The following RAB12 variants were observed in gnomAD, a reference collection of about 807,000 sequenced individuals.
RAB12 encodes RAB12, member RAS oncogene family.
RAB12 carries 11 observed loss-of-function variants against 28.4 expected under a neutral mutation model. That is an observed-to-expected ratio of 0.39 (90% confidence interval 0.24 to 0.64). The LOEUF (loss-of-function observed/expected upper bound fraction) is 0.64. Ranked by LOEUF, RAB12 falls within the 30% of genes least tolerant of loss-of-function variation. The probability of loss-of-function intolerance (pLI) is 0.50; values close to 1 mark genes in which losing one functional copy is unlikely to be tolerated. For synonymous variants in RAB12, 138 were observed against 145.3 expected (o/e 0.95, Z 0.36); for missense variants, 276 against 351.1 (o/e 0.79, Z 1.71).
chr18:8,633,358 A>T (rs2096017040), intron 3 of RAB12, 31 bp downstream of exon 3: 1 of 1,611,316 alleles, frequency 6.2e-7, no homozygotes, highest in South Asian at 1.1e-5. Flanking sequence ...TCCAATGTGA[A>T]CTCTCTGCTT....
chr18:8,610,336 C>G (rs1277537148), intron 1 of RAB12, among the ~76,000 whole-genome samples: 2 of 152,248 alleles, frequency 1.3e-5, no homozygotes, highest in South Asian at 4.1e-4. Context: ...CCCGCCAAGG[C>G]CAGCGCGCGC....
chr18:8,636,293 G>C lies in RAB12; in HGVS notation c.845G>C (p.Ser282Thr). The C allele has an allele frequency of 1.9e-6, 3 of 1,613,872 alleles. No individual in the cohort carries two copies. The South Asian group carries it at 3.3e-5, about 18-fold the overall frequency. Residue 282 changes from serine (S) to threonine (T), a missense_variant, in exon 5 of 6, where the codon AGT becomes ACT. Around this residue, in one of 4 missense-constraint regions of RAB12, gnomAD observed 127 missense variants for 161.4 expected, o/e 0.79. Coordinates refer to ENST00000649141, the MANE Select transcript of RAB12 (RefSeq NM_001025300.3). Reference sequence around the variant, plus strand: ...ACTGGGATGCGGTTCTGTGAAGCAAGTGCCAAGGATAACTTCAATGTGGAC... The same window carrying C: ...ACTGGGATGCGGTTCTGTGAAGCAACTGCCAAGGATAACTTCAATGTGGAC... ...QITGMRFCEA[S>T]AKDNFNVDEI...
intron 2 of RAB12, among the ~76,000 whole-genome samples, chr18:8,628,641 CT>C (rs2096014192): frequency 6.6e-6 from 1 of 152,190 alleles, no homozygotes; most frequent in South Asian, 2.1e-4. Flanking sequence ...TTTCTATCCT[CT>C]TTCTTTACAT....
chr18:8,617,761 A>G (rs1335670869), intron 1 of RAB12, among the ~76,000 whole-genome samples: 1 of 152,158 alleles, frequency 6.6e-6, no homozygotes, highest in Non-Finnish European at 1.5e-5. Flanking sequence ...CACAGCCGGG[A>G]GCCAGGCAAC....
intron 1 of RAB12, among the ~76,000 whole-genome samples, chr18:8,622,302 T>C (rs2148708418): frequency 6.6e-6 from 1 of 152,308 alleles, no homozygotes; most frequent in East Asian, 1.9e-4. Context: ...AAAAGTAAAA[T>C]AGAATATTGG....
intron 1 of RAB12, among the ~76,000 whole-genome samples, chr18:8,610,621 G>A (rs911053237): frequency 6.6e-6 from 1 of 152,168 alleles, no homozygotes; most frequent in Non-Finnish European, 1.5e-5. Flanking sequence ...AACGCTCCAG[G>A]GTCAAGGAGG....
chr18:8,637,593 A>G (rs2096019653), intron 5 of RAB12, among the ~76,000 whole-genome samples: 1 of 152,074 alleles, frequency 6.6e-6, no homozygotes, highest in African/African-American at 2.4e-5. Context: ...ATATAATTGT[A>G]TAATTTGGAA....
rs1598315808 is a variant in RAB12 at position 8,639,144 on chromosome 18, G to GTTTTTTTTTTTTTTTTTTTTTTTTTT, written c.*884_*885insTTTTTTTTTTTTTTTTTTTTTTTTTT. On this transcript the variant is annotated 3_prime_UTR_variant, in exon 6 of 6. Transcript: ENST00000649141. Reference sequence around the variant, plus strand: ...CTTATTCTGATTAAGCCTAGACTGTGTTCTTTTTTTTTTTTTTTTTTTTTT... The same window carrying GTTTTTTTTTTTTTTTTTTTTTTTTTT: ...CTTATTCTGATTAAGCCTAGACTGTGTTTTTTTTTTTTTTTTTTTTTTTTTTTTCTTTTTTTTTTTTTTTTTTTTTT... The GTTTTTTTTTTTTTTTTTTTTTTTTTT allele has an allele frequency of 4.8e-4, 8 of 16,560 alleles. No homozygotes were observed. Among genetic ancestry groups the GTTTTTTTTTTTTTTTTTTTTTTTTTT allele is most frequent in the South Asian group, 2.2e-3 (1 of 450 alleles). The allele number at this position is 16,560 out of a possible 1,614,324, so 1.0% of individuals were successfully genotyped here.
At chr18:8,636,516 G>T (rs564817021) in intron 5 of RAB12, among the ~76,000 whole-genome samples, 159 bp downstream of exon 5, 1 of 152,172 alleles carries the variant, frequency 6.6e-6, no homozygotes, top group Non-Finnish European at 1.5e-5. Flanking sequence ...ACAGGCACCC[G>T]GCCTGCTGTA....
chr18:8,625,131 T>C (rs2096011962), intron 2 of RAB12, 133 bp downstream of exon 2: 1 of 607,566 alleles, frequency 1.6e-6, no homozygotes, highest in African/African-American at 1.9e-5. Context: ...TAAAATTAAA[T>C]GGACAGTGTT....
At chr18:8,637,328 C>CT (rs1364048180) in intron 5 of RAB12, among the ~76,000 whole-genome samples, 5 of 150,344 alleles carry the variant, frequency 3.3e-5, no homozygotes, top group African/African-American at 4.9e-5. Flanking sequence ...TTATGTCTGT[C>CT]TTTAGTAAGT....
intron 2 of RAB12, among the ~76,000 whole-genome samples, chr18:8,631,993 T>G (rs1598313365): frequency 6.6e-6 from 1 of 152,124 alleles, no homozygotes; most frequent in Non-Finnish European, 1.5e-5. Flanking sequence ...GGTTTGAAAG[T>G]AATTGGAGGC....
At chr18:8,627,171 G>GTGC (rs1237348498) in intron 2 of RAB12, among the ~76,000 whole-genome samples, 1 of 152,230 alleles carries the variant, frequency 6.6e-6, no homozygotes, top group Non-Finnish European at 1.5e-5. Context: ...CACAGCCCTT[G>GTGC]TGCTGCTGCT....
intron 2 of RAB12, among the ~76,000 whole-genome samples, chr18:8,631,549 G>A (rs1178116897): frequency 6.6e-6 from 1 of 152,178 alleles, no homozygotes; most frequent in Non-Finnish European, 1.5e-5. Flanking sequence ...AGCCAGTGCT[G>A]CTGAGAAAAT....
chr18:8,612,726 A>G lies in RAB12; in HGVS notation c.514+2773A>G, dbSNP rs1183080973. Among the ~76,000 whole-genome samples the G allele has an allele frequency of 2.6e-5, 4 of 152,296 alleles. No individual in the cohort carries two copies. In the South Asian group the frequency reaches 8.3e-4, roughly 32 times the overall value. ...TGCTCTGTCACCCAGGCTGGAGTGCAGTGGTACGATCATGGCTCACTGCAG... is the reference window on the plus strand; with the variant it reads ...TGCTCTGTCACCCAGGCTGGAGTGCGGTGGTACGATCATGGCTCACTGCAG... On this transcript the variant is annotated intron_variant, in intron 1 of 5. Transcript: ENST00000649141.
Position 8,624,898 on chromosome 18 carries a change from T to G in RAB12, c.515-40T>G, listed in dbSNP as rs762050452. 8 of 1,248,966 alleles carry G rather than the reference T, an allele frequency of 6.4e-6. No individual in the cohort carries two copies. In the South Asian group the frequency reaches 8.7e-5, roughly 14 times the overall value. 77.4% of individuals were successfully genotyped at this position (1,248,966 alleles called of 1,614,324 possible). On this transcript the variant is annotated intron_variant, in intron 1 of 5. Coordinates refer to ENST00000649141, the MANE Select transcript of RAB12 (RefSeq NM_001025300.3). ...ATTATTTTGTATGACAAATTGCATC[T>G]TTGTTGTTTTTGCTTCACATTTATT...
At chr18:8,619,185 G>T (rs2096008389) in intron 1 of RAB12, among the ~76,000 whole-genome samples, 1 of 152,150 alleles carries the variant, frequency 6.6e-6, no homozygotes. Flanking sequence ...TAAAATCTAT[G>T]GTCTGGTCCA....
At chr18:8,615,578 G>A (rs1158781765) in intron 1 of RAB12, among the ~76,000 whole-genome samples, 3 of 152,162 alleles carry the variant, frequency 2.0e-5, no homozygotes, top group Non-Finnish European at 4.4e-5. Flanking sequence ...CTGCCAAAAT[G>A]ATGTAACATG....
At chr18:8,622,797 A>T (rs1219468087) in intron 1 of RAB12, among the ~76,000 whole-genome samples, 1 of 152,096 alleles carries the variant, frequency 6.6e-6, no homozygotes, top group Non-Finnish European at 1.5e-5. Context: ...TTGACCATAG[A>T]AGACGGCCAC....
Sources: allele counts gnomAD v4.1 joint callset (sites outside exome capture counted in the v4.1 genomes callset), GRCh38; gene constraint gnomAD v4.1.1; regional missense constraint gnomAD v4.1.1; transcripts MANE v1.5; gene names NCBI Gene and HGNC (gene_info 2026-07-23, HGNC 2026-07-21).